The following PPFIA3 variants were observed in gnomAD, a reference collection of about 807,000 sequenced individuals.
PPFIA3 encodes the protein PPFI scaffold protein A3, also known as liprin-alpha-3.
PPFIA3 carries 26 observed loss-of-function variants against 145.8 expected under a neutral mutation model. The ratio of observed to expected loss-of-function variants is 0.18; its 90% CI spans 0.13 to 0.25. The LOEUF is 0.25. Ranked by LOEUF, PPFIA3 falls within the 10% of genes least tolerant of loss-of-function variation. The pLI, the probability that PPFIA3 is intolerant of heterozygous loss-of-function variation, is 1.00. For synonymous variants in PPFIA3, 645 were observed against 661.4 expected, an observed-to-expected ratio of 0.98 and a Z score of 0.38; for missense variants, 1,008 against 1,587.8, an observed-to-expected ratio of 0.63 and a Z score of 6.21.
rs1258984167 is a variant in PPFIA3, at chr19:49,133,698, T to C, written c.1162-98T>C. On this transcript the variant is annotated intron_variant, in intron 9 of 29. Transcript: ENST00000334186. The surrounding 1 kb of genome is among the most constrained non-coding windows in gnomAD (Gnocchi z 7.2). ...GGTGCAGGGGAGGAGCCTGGCGCTG[T>C]GGGGGCGGAGCCTGGCGCTCAGCCT... is the stretch of plus-strand genomic sequence containing the variant. 2 of 1,295,106 alleles carry C rather than the reference T, an allele frequency of 1.5e-6. No individual in the cohort carries two copies. The highest frequency in any genetic ancestry group is 2.9e-5 in the African/African-American group (2 of 68,522). The allele number at this position is 1,295,106 out of a possible 1,614,324, so 80.2% of individuals were successfully genotyped here.
At chr19:49,131,785 C>A (rs1261911652) in intron 7 of PPFIA3, among the ~76,000 whole-genome samples, 1 of 151,070 alleles carries the variant, frequency 6.6e-6, no homozygotes, top group South Asian at 2.1e-4. Flanking sequence ...CCGAGGCGGG[C>A]GGATCACGAG....
At position 49,123,448 on chromosome 19, in the gene PPFIA3, CT is replaced by C. The variant is rs375392429; in HGVS notation, c.-16+3736del. ...CTGTGCCTGGCCCTAATTTCACATT[CT>C]TTTTTTTTTGAGATCGAGTCTCACT... On this transcript the variant is annotated intron_variant, in intron 1 of 29. Transcript: ENST00000334186. Among the ~76,000 whole-genome samples the C allele has an allele frequency of 4.0e-5, 6 of 148,304 alleles. 1 individual carries two copies. Among genetic ancestry groups the C allele is most frequent in the East Asian group, 4.0e-4 (2 of 5,048 alleles).
Position 49,128,080 on chromosome 19 carries a change from G to A in PPFIA3, c.207G>A (p.Ser69=), listed in dbSNP as rs1057331197. ...GCGAGCTCGGCCACGAGAAGGACTC[G>A]CTGCAGCGCCAGCTCAGCATCGCGC... ...RLRELGHEKD[S]LQRQLSIALP... Residue 69 remains serine, a synonymous_variant, in exon 2 of 30, where the codon TCG becomes TCA. Transcript: ENST00000334186. This position sits in a 1 kb window ranked among gnomAD's most constrained non-coding sequence, Gnocchi z 4.1. 1.3e-6 allele frequency: 2 copies of A among 1,587,034 alleles called. No individual in the cohort carries two copies. Among genetic ancestry groups the A allele is most frequent in the South Asian group, 1.1e-5 (1 of 89,926 alleles).
rs528368267 is a variant in PPFIA3 at position 49,150,526 on chromosome 19, G to A, written c.*304G>A. The A allele has an allele frequency of 4.2e-5, 7 of 165,890 alleles. No homozygotes were observed. The South Asian group carries it at 1.3e-3, about 30-fold the overall frequency. The allele number at this position is 165,890 out of a possible 1,614,324, so 10.3% of individuals were successfully genotyped here. ...TTGATCAGTTTCTGTTGGGAGACGGGTGTCCTTTACCCGCGGGAAGGGGGC... is the reference window on the plus strand; with the variant it reads ...TTGATCAGTTTCTGTTGGGAGACGGATGTCCTTTACCCGCGGGAAGGGGGC... On this transcript the variant is annotated 3_prime_UTR_variant, in exon 30 of 30. Coordinates refer to ENST00000334186, the MANE Select transcript of PPFIA3 (RefSeq NM_003660.4).
At chr19:49,141,977 C>A in intron 19 of PPFIA3, 57 bp from the exon 20 acceptor site, 2 of 1,418,748 alleles carry the variant, frequency 1.4e-6, no homozygotes, top group South Asian at 2.5e-5. Context: ...GGGCCATCCA[C>A]AGAGCAGGGG....
At position 49,148,145 on chromosome 19, in the gene PPFIA3, G is replaced by A. The variant is rs752613662; in HGVS notation, c.2898G>A (p.Gly966=). Residue 966 remains glycine, a synonymous_variant, in exon 24 of 30, where the codon GGG becomes GGA. Coordinates refer to ENST00000334186, the MANE Select transcript of PPFIA3 (RefSeq NM_003660.4). ...WVGNDWLPSL[G]LPQYRSYFME... ...GGAACGACTGGCTGCCCAGCCTGGG[G>A]CTGCCCCAATACCGCAGCTACTTCA... 1.2e-6 allele frequency: 2 copies of A among 1,614,232 alleles called. No homozygotes were observed. The highest frequency in any genetic ancestry group is 3.3e-5 in the Admixed American group (2 of 60,032).
intron 1 of PPFIA3, among the ~76,000 whole-genome samples, chr19:49,126,560 CTTTTTTTT>C (rs762895281): frequency 8.4e-6 from 1 of 118,820 alleles, no homozygotes; most frequent in Non-Finnish European, 1.7e-5. Context: ...CCTGGCCTTG[CTTTTTTTT>C]TTTTTTTTTT....
rs557784717 is a variant in PPFIA3 at position 49,120,561 on chromosome 19, G to A, written c.-16+839G>A. 6.6e-6 allele frequency among the ~76,000 whole-genome samples: 1 copy of A among 152,224 alleles called. No individual in the cohort carries two copies. The highest frequency in any genetic ancestry group is 2.1e-4 in the South Asian group (1 of 4,824). ...TAGCCCTCACCCCGTCAGCACCTAG[G>A]AATCCTGTTCCCCAGCGTTTGCTCT... On this transcript the variant is annotated intron_variant, in intron 1 of 29. Coordinates refer to ENST00000334186, the MANE Select transcript of PPFIA3 (RefSeq NM_003660.4). The surrounding 1 kb of genome is among the most constrained non-coding windows in gnomAD (Gnocchi z 4.6).
chr19:49,124,881 T>A (rs2040978043), intron 1 of PPFIA3, among the ~76,000 whole-genome samples: 1 of 152,052 alleles, frequency 6.6e-6, no homozygotes, highest in Non-Finnish European at 1.5e-5. Context: ...CTGGCTAACA[T>A]GGTGAAACCC....
intron 21 of PPFIA3, 91 bp downstream of exon 21, chr19:49,143,095 C>T (rs1443666166): frequency 8.6e-6 from 12 of 1,391,086 alleles, no homozygotes. Context: ...GCTCACTCCC[C>T]TGTCCCACGA....
In PPFIA3 at chr19:49,133,376, G is replaced by C. The variant is rs2287761; in HGVS notation, c.1161+5G>C. The C allele has an allele frequency of 0.2, 313,419 of 1,597,052 alleles. 34,873 individuals are homozygous for C. Among genetic ancestry groups the C allele is most frequent in the African/African-American group, 0.45 (33,639 of 74,132 alleles). ...CGCGTGGCGGCGCTCAACAAGGTGC[G>C]GGGAGGACTCGGGTCGGGGCCTTGC... On this transcript the variant is annotated splice_donor_5th_base_variant and intron_variant, in intron 9 of 29. Transcript: ENST00000334186. This position sits in a 1 kb window ranked among gnomAD's most constrained non-coding sequence, Gnocchi z 7.2.
Position 49,130,043 on chromosome 19 carries a change from G to T in PPFIA3, c.633G>T (p.Glu211Asp), listed in dbSNP as rs1719631151. The T allele has an allele frequency of 6.2e-7, 1 of 1,613,154 alleles. No individual in the cohort carries two copies. Residue 211 changes from glutamate (E) to aspartate (D), a missense_variant, in exon 6 of 30, where the codon GAG (glutamate) becomes GAT (aspartate). This residue lies in a region of PPFIA3 where 136 missense variants were observed against 160.7 expected (regional missense o/e 0.85). Coordinates refer to ENST00000334186, the MANE Select transcript of PPFIA3 (RefSeq NM_003660.4). The surrounding 1 kb of genome is among the most constrained non-coding windows in gnomAD (Gnocchi z 4.5). ...QLSRRRSGLE[E>D]PGKDGDGQTL... ...CTAGGCGGCGGTCAGGGCTGGAAGA[G>T]CCGGGCAAGGATGGGGATGGGCAGG...
At chr19:49,145,079 C>T (rs1172050688) in intron 21 of PPFIA3, among the ~76,000 whole-genome samples, 2 of 151,916 alleles carry the variant, frequency 1.3e-5, no homozygotes, top group South Asian at 2.1e-4. Flanking sequence ...TAAAGGCACA[C>T]GCCACCATGC....
In PPFIA3 at chr19:49,129,390, G is replaced by A; in HGVS notation, c.518G>A (p.Arg173Gln). The A allele has an allele frequency of 6.4e-7, 1 of 1,550,396 alleles. No individual in the cohort carries two copies. Residue 173 changes from arginine to glutamine, a missense_variant, in exon 5 of 30, where the codon CGG (arginine) becomes CAG (glutamine). This residue lies in a region of PPFIA3 where 136 missense variants were observed against 160.7 expected (regional missense o/e 0.85). Transcript: ENST00000334186. ...TGCCCCGATCCCCAGGTCCGGGAGC[G>A]GCTGCGGATGGCGCTGGAGCGCGTG... is the stretch of plus-strand genomic sequence containing the variant. ...HKALDEKVRE[R>Q]LRMALERVAV...
Position 49,130,341 on chromosome 19 carries a change from C to G in PPFIA3, c.658-37C>G. 1 of 1,528,352 alleles carries G rather than the reference C, an allele frequency of 6.5e-7. No homozygotes were observed. The highest frequency in any genetic ancestry group is 8.9e-7 in the Non-Finnish European group (1 of 1,126,296). 94.7% of individuals were successfully genotyped at this position (1,528,352 alleles called of 1,614,324 possible). A position where few individuals can be genotyped will look rare whatever the true frequency, so the allele number is the denominator to read the frequency against. ...TGGATTTCCTCTGTGTCTCCGGAGA[C>G]ACTCTGGGATCTTGTCCCCTCCTTC... On this transcript the variant is annotated intron_variant, in intron 6 of 29. Transcript: ENST00000334186. The surrounding 1 kb of genome is among the most constrained non-coding windows in gnomAD (Gnocchi z 4.5).
chr19:49,140,724 G>A (rs965742011), intron 18 of PPFIA3, among the ~76,000 whole-genome samples: 2 of 140,790 alleles, frequency 1.4e-5, no homozygotes, highest in Admixed American at 7.9e-5. Flanking sequence ...GTGCTATCTC[G>A]GCTCACTGCA....
In PPFIA3 at chr19:49,150,150, A is replaced by G. The variant is rs764929882; in HGVS notation, c.*12A>G. The G allele has an allele frequency of 4.4e-6, 7 of 1,606,808 alleles. No homozygotes were observed. The South Asian group carries it at 7.8e-5, about 18-fold the overall frequency. Reference sequence around the variant, plus strand: ...CCTATTCCTGCTAGTGCAGGCCTCCAGGTGAGGACCGTGCTGGGCGACCTT... The same window carrying G: ...CCTATTCCTGCTAGTGCAGGCCTCCGGGTGAGGACCGTGCTGGGCGACCTT... On this transcript the variant is annotated splice_region_variant and 3_prime_UTR_variant, in exon 29 of 30. Coordinates refer to ENST00000334186, the MANE Select transcript of PPFIA3 (RefSeq NM_003660.4).
chr19:49,149,298 C>G lies in PPFIA3; in HGVS notation c.3327C>G (p.Ser1109=). 2 of 1,614,164 alleles carry G rather than the reference C, an allele frequency of 1.2e-6. No individual in the cohort carries two copies. The highest frequency in any genetic ancestry group is 1.7e-6 in the Non-Finnish European group (2 of 1,180,036). Residue 1109 remains serine, a synonymous_variant, in exon 27 of 30, where the codon TCC becomes TCG. Coordinates refer to ENST00000334186, the MANE Select transcript of PPFIA3 (RefSeq NM_003660.4). This position sits in a 1 kb window ranked among gnomAD's most constrained non-coding sequence, Gnocchi z 5.7. The stretch of plus-strand genomic sequence containing the variant: ...AGAAGGAATTCAGCAACCTTATCTC[C>G]TTAGGCACAGACAGGCGGCTGGACG... ...LLEKEFSNLI[S]LGTDRRLDED... is the part of the protein sequence containing the mutation.
Position 49,143,017 on chromosome 19 carries a change from C to T in PPFIA3, c.2745+13C>T, listed in dbSNP as rs1218418859. On this transcript the variant is annotated intron_variant, in intron 21 of 29. Coordinates refer to ENST00000334186, the MANE Select transcript of PPFIA3 (RefSeq NM_003660.4). ...CTCCTCCCGCACTGTGAGTGTCCGG[C>T]GGCCAATTCCAGCCTTCGCTTCCTC... The T allele has an allele frequency of 1.9e-6, 3 of 1,598,286 alleles. No homozygotes were observed. In the South Asian group the frequency reaches 3.3e-5, roughly 18 times the overall value.
Sources: allele counts gnomAD v4.1 joint callset (sites outside exome capture counted in the v4.1 genomes callset), GRCh38; gene constraint gnomAD v4.1.1; regional missense constraint gnomAD v4.1.1; non-coding constraint Gnocchi (gnomAD v3.1); transcripts MANE v1.5; gene names NCBI Gene and HGNC (gene_info 2026-07-23, HGNC 2026-07-21).